Variants in FBXW11 observed in about 807,000 individuals in gnomAD.
The protein encoded by FBXW11 is F-box/WD repeat-containing protein 11.
FBXW11 carries 19 observed loss-of-function variants against 77.6 expected under a neutral mutation model. The ratio of observed to expected loss-of-function variants is 0.24; its 90% CI spans 0.17 to 0.36. The LOEUF (loss-of-function observed/expected upper bound fraction) is 0.36. Among genes scored for constraint, FBXW11 ranks in the 10% least tolerant of loss-of-function variants. FBXW11 has a pLI of 1.00. For synonymous variants in FBXW11, 235 were observed against 249.4 expected (o/e 0.94, Z 0.54); for missense variants, 334 against 704.2 (o/e 0.47, Z 5.95).
At chr5:171,911,622 G>C (rs899237995) in intron 3 of FBXW11, among the ~76,000 whole-genome samples, 4 of 152,152 alleles carry the variant, frequency 2.6e-5, no homozygotes, top group African/African-American at 9.7e-5. Context: ...TTCTCAGAAA[G>C]TGACCCAAGG....
Position 171,915,613 on chromosome 5 carries a change from CTGTGTGTGTG to C in FBXW11, c.148-1218_148-1209del, listed in dbSNP as rs200618306. 1.6e-3 allele frequency among the ~76,000 whole-genome samples: 206 copies of C among 129,624 alleles called. 2 individuals carry two copies. The highest frequency in any genetic ancestry group is 0.012 in the East Asian group (47 of 3,850). 85.0% of individuals were successfully genotyped at this position (129,624 alleles called of 152,430 possible). A position where few individuals can be genotyped will look rare whatever the true frequency, so the allele number is the denominator to read the frequency against. On this transcript the variant is annotated intron_variant, in intron 2 of 13. Coordinates refer to ENST00000517395, the MANE Select transcript of FBXW11 (RefSeq NM_001378974.1). ...TGGATTCCTGATTTGGTCACTCATT[CTGTGTGTGTG>C]TGTGTGTGTGTGTGTGTGTGTGTGT...
At chr5:172,006,225 G>C (rs1317997431) in intron 1 of FBXW11, among the ~76,000 whole-genome samples, 1 of 152,234 alleles carries the variant, frequency 6.6e-6, no homozygotes, top group African/African-American at 2.4e-5. Flanking sequence ...GACGGGACCA[G>C]GGGGAGGGGG....
intron 2 of FBXW11, among the ~76,000 whole-genome samples, chr5:171,947,169 TTGTC>T (rs1763056029): frequency 6.6e-6 from 1 of 152,314 alleles, no homozygotes; most frequent in East Asian, 1.9e-4. Flanking sequence ...ACAAGGCTTT[TTGTC>T]TGTTTTGTGC....
chr5:171,913,119 C>G (rs1373504644), intron 3 of FBXW11, among the ~76,000 whole-genome samples: 1 of 152,140 alleles, frequency 6.6e-6, no homozygotes, highest in East Asian at 1.9e-4. Flanking sequence ...TTCCTTCCCC[C>G]TTTATTTCTA....
intron 7 of FBXW11, among the ~76,000 whole-genome samples, chr5:171,886,522 T>A (rs946723860): frequency 6.6e-6 from 1 of 151,612 alleles, no homozygotes; most frequent in African/African-American, 2.4e-5. Flanking sequence ...TGTATACATA[T>A]GTAACAAACC....
intron 7 of FBXW11, among the ~76,000 whole-genome samples, chr5:171,889,835 C>G (rs1329203909): frequency 6.6e-6 from 1 of 152,094 alleles, no homozygotes. Flanking sequence ...TTGCAGTGAG[C>G]TGAGATCGTG....
Position 171,876,139 on chromosome 5 carries a change from T to C in FBXW11, c.1221+146A>G. On this transcript the variant is annotated intron_variant, in intron 9 of 13. Coordinates refer to ENST00000517395, the MANE Select transcript of FBXW11 (RefSeq NM_001378974.1). The surrounding 1 kb of genome is among the most constrained non-coding windows in gnomAD (Gnocchi z 4.2). Reference sequence around the variant, plus strand: ...TACCTTGCCTACAACTCTACAGATATACAGAGTGGGATGGCCTCAAGGGTT... The same window carrying C: ...TACCTTGCCTACAACTCTACAGATACACAGAGTGGGATGGCCTCAAGGGTT... 1.1e-6 allele frequency: 1 copy of C among 899,586 alleles called. No individual in the cohort carries two copies. The highest frequency in any genetic ancestry group is 1.7e-6 in the Non-Finnish European group (1 of 586,990). The allele number at this position is 899,586 out of a possible 1,614,324, so 55.7% of individuals were successfully genotyped here. A position where few individuals can be genotyped will look rare whatever the true frequency, so the allele number is the denominator to read the frequency against.
intron 2 of FBXW11, among the ~76,000 whole-genome samples, chr5:171,937,663 C>T (rs1762544936): frequency 2.0e-5 from 3 of 151,802 alleles, no homozygotes; most frequent in Admixed American, 2.0e-4. Flanking sequence ...CCCGCCTCTA[C>T]TAAAAAATAC....
chr5:171,984,176 A>C (rs1765305785), intron 1 of FBXW11, among the ~76,000 whole-genome samples: 1 of 152,216 alleles, frequency 6.6e-6, no homozygotes, highest in East Asian at 1.9e-4. Context: ...TGACTGGATG[A>C]GCTACAGGCA....
chr5:171,993,031 A>G (rs1765836937), intron 1 of FBXW11, among the ~76,000 whole-genome samples: 1 of 151,892 alleles, frequency 6.6e-6, no homozygotes, highest in Non-Finnish European at 1.5e-5. Flanking sequence ...TGAATGTACT[A>G]ATCTGTCTAA....
Position 171,937,793 on chromosome 5 carries a change from A to C in FBXW11, c.147+19804T>G, listed in dbSNP as rs901219334. ...CAGTGAACCATGATTGTGCCACTGT[A>C]CTCCAACTTAGGTGAGAGAATGAGA... On this transcript the variant is annotated intron_variant, in intron 2 of 13. Coordinates refer to ENST00000517395, the MANE Select transcript of FBXW11 (RefSeq NM_001378974.1). Among the ~76,000 whole-genome samples, 7 of 150,198 alleles carry C rather than the reference A, an allele frequency of 4.7e-5. No individual in the cohort carries two copies. In the Admixed American group the frequency reaches 4.7e-4, roughly 10 times the overall value.
chr5:171,890,277 T>A (rs907501840), intron 7 of FBXW11, among the ~76,000 whole-genome samples: 4 of 151,976 alleles, frequency 2.6e-5, no homozygotes, highest in Non-Finnish European at 5.9e-5. Flanking sequence ...ACGCCCGTAA[T>A]CCCCGCACTT....
chr5:171,954,893 T>C (rs1763532709), intron 2 of FBXW11, among the ~76,000 whole-genome samples: 1 of 152,304 alleles, frequency 6.6e-6, no homozygotes, highest in South Asian at 2.1e-4. Flanking sequence ...AAAAGCAGCA[T>C]TCCAGAGTAG....
At chr5:171,963,591 CT>C (rs1230872196) in intron 1 of FBXW11, among the ~76,000 whole-genome samples, 1 of 151,988 alleles carries the variant, frequency 6.6e-6, no homozygotes, top group East Asian at 1.9e-4. Context: ...ATGTGAATGA[CT>C]TTTTTTTCTG....
At chr5:171,916,125 A>C (rs1361870333) in intron 2 of FBXW11, among the ~76,000 whole-genome samples, 1 of 151,846 alleles carries the variant, frequency 6.6e-6, no homozygotes, top group African/African-American at 2.4e-5. Flanking sequence ...GCATTAGGAG[A>C]TATACCTAAT....
At chr5:171,974,430 G>A (rs902672718) in intron 1 of FBXW11, among the ~76,000 whole-genome samples, 10 of 147,674 alleles carry the variant, frequency 6.8e-5, no homozygotes, top group African/African-American at 1.3e-4. Context: ...GCGAAACTCC[G>A]TCTCAAAAAA....
At chr5:171,945,533 G>A (rs1762963131) in intron 2 of FBXW11, among the ~76,000 whole-genome samples, 1 of 152,144 alleles carries the variant, frequency 6.6e-6, no homozygotes, top group African/African-American at 2.4e-5. Flanking sequence ...ATAAAGTGAA[G>A]AAAGATAATA....
chr5:171,977,547 CA>C, intron 1 of FBXW11: 1 of 446,202 alleles, frequency 2.2e-6, no homozygotes, highest in Non-Finnish European at 4.5e-6. Context: ...TTACGCAATA[CA>C]TTTGTGTATC....
At chr5:171,903,874 T>C (rs1008910577) in intron 4 of FBXW11, among the ~76,000 whole-genome samples, 4 of 152,138 alleles carry the variant, frequency 2.6e-5, no homozygotes, top group African/African-American at 4.8e-5. Context: ...GCTGAGAACA[T>C]AGCCACTTTT....
Sources: allele counts gnomAD v4.1 joint callset (sites outside exome capture counted in the v4.1 genomes callset), GRCh38; gene constraint gnomAD v4.1.1; non-coding constraint Gnocchi (gnomAD v3.1); transcripts MANE v1.5; gene names NCBI Gene and HGNC (gene_info 2026-07-23, HGNC 2026-07-21).